Variants in CA10 observed in about 807,000 individuals in gnomAD.
CA10 encodes carbonic anhydrase 10 (inactive).
In CA10, 14 loss-of-function variants were observed where a neutral mutation model predicts 44.2. The observed-to-expected ratio is 0.32, with a 90% CI of 0.21 to 0.50. The LOEUF is 0.50. CA10 is among the 20% of genes least tolerant of loss of function. The pLI is 0.99. For missense variants in CA10, 350 were observed against 409.7 expected, an observed-to-expected ratio of 0.85 and a Z score of 1.26; for synonymous variants, 159 against 141.6, an observed-to-expected ratio of 1.12 and a Z score of -0.87.
intron 3 of CA10, among the ~76,000 whole-genome samples, chr17:51,877,261 A>T (rs1373007221): frequency 6.6e-6 from 1 of 152,336 alleles, no homozygotes; most frequent in Non-Finnish European, 1.5e-5. Flanking sequence ...CCTCAAATGG[A>T]CATGAGGTAT....
At chr17:51,777,900 C>G (rs1023478670) in intron 3 of CA10, among the ~76,000 whole-genome samples, 5 of 152,174 alleles carry the variant, frequency 3.3e-5, no homozygotes, top group African/African-American at 1.2e-4. Flanking sequence ...CCACTGCACT[C>G]TAGCCTGGGC....
intron 2 of CA10, among the ~76,000 whole-genome samples, chr17:51,979,164 T>A (rs999415296): frequency 3.3e-5 from 5 of 152,136 alleles, no homozygotes; most frequent in South Asian, 4.1e-4. Context: ...CATACTGGAG[T>A]GAACCTTAAA....
chr17:51,693,006 T>C (rs1215534812), intron 4 of CA10, among the ~76,000 whole-genome samples: 1 of 152,208 alleles, frequency 6.6e-6, no homozygotes. Flanking sequence ...GCCAGTTTCA[T>C]TTGGTTTTGA....
At chr17:52,144,303 T>G (rs1989539333) in intron 1 of CA10, among the ~76,000 whole-genome samples, 1 of 152,210 alleles carries the variant, frequency 6.6e-6, no homozygotes, top group Non-Finnish European at 1.5e-5. Context: ...CACTTCTTTA[T>G]TGCTCTGGCA....
intron 1 of CA10, among the ~76,000 whole-genome samples, chr17:52,088,306 A>G (rs767048876): frequency 8.5e-5 from 13 of 152,236 alleles, no homozygotes; most frequent in Non-Finnish European, 1.5e-4. Context: ...TATTTAGGAT[A>G]ATTAGTTCAG....
chr17:52,136,900 GTTGCT>G (rs891387809), intron 1 of CA10, among the ~76,000 whole-genome samples: 1 of 152,078 alleles, frequency 6.6e-6, no homozygotes, highest in African/African-American at 2.4e-5. Flanking sequence ...GCAACATGGA[GTTGCT>G]TTGGAAAATA....
At chr17:52,004,537 A>G (rs1475353514) in intron 2 of CA10, among the ~76,000 whole-genome samples, 2 of 151,980 alleles carry the variant, frequency 1.3e-5, no homozygotes, top group African/African-American at 4.8e-5. Flanking sequence ...TTCACAGTAG[A>G]GATTTTTAGT....
chr17:51,994,383 C>A (rs529328497), intron 2 of CA10, among the ~76,000 whole-genome samples: 1 of 152,022 alleles, frequency 6.6e-6, no homozygotes, highest in Admixed American at 6.6e-5. Context: ...CAAATTTGCA[C>A]GTGACCTTAG....
intron 3 of CA10, among the ~76,000 whole-genome samples, chr17:51,783,846 G>C (rs1431259349): frequency 6.6e-6 from 1 of 152,186 alleles, no homozygotes. Context: ...CTGGCCCAGA[G>C]AGAGCAGGTG....
At chr17:52,080,703 C>G (rs1369783200) in intron 1 of CA10, among the ~76,000 whole-genome samples, 1 of 152,004 alleles carries the variant, frequency 6.6e-6, no homozygotes, top group African/African-American at 2.4e-5. Flanking sequence ...ATTACTCTCT[C>G]CACACCTTCA....
chr17:51,948,725 AATT>A (rs976821442), intron 2 of CA10, among the ~76,000 whole-genome samples: 1 of 152,092 alleles, frequency 6.6e-6, no homozygotes, highest in African/African-American at 2.4e-5. Context: ...CCAATTAAAC[AATT>A]ATTTTATATG....
chr17:51,749,125 G>A (rs1428252583), intron 3 of CA10, among the ~76,000 whole-genome samples: 1 of 152,198 alleles, frequency 6.6e-6, no homozygotes, highest in African/African-American at 2.4e-5. Context: ...GCGACTGCAT[G>A]GAGCTCATGT....
chr17:51,658,509 A>T (rs187182963), intron 4 of CA10, among the ~76,000 whole-genome samples: 1 of 152,296 alleles, frequency 6.6e-6, no homozygotes, highest in East Asian at 1.9e-4. Context: ...AATCCTGATG[A>T]CCAGGAGCCA....
intron 4 of CA10, among the ~76,000 whole-genome samples, chr17:51,729,039 T>C (rs932411345): frequency 2.6e-5 from 4 of 152,076 alleles, no homozygotes; most frequent in African/African-American, 9.7e-5. Context: ...AGGAGCAAAC[T>C]TGGCATGATC....
intron 4 of CA10, among the ~76,000 whole-genome samples, chr17:51,694,660 C>G (rs188766920): frequency 2.6e-5 from 4 of 151,948 alleles, no homozygotes; most frequent in Non-Finnish European, 5.9e-5. Context: ...TAGTTTAATT[C>G]GGTCCCACTT....
At chr17:51,654,919 C>G (rs1044761458) in intron 4 of CA10, among the ~76,000 whole-genome samples, 1 of 152,018 alleles carries the variant, frequency 6.6e-6, no homozygotes, top group Non-Finnish European at 1.5e-5. Context: ...CCCCCACCAC[C>G]TCTTTCTAAT....
At chr17:51,839,539 T>G (rs1474073483) in intron 3 of CA10, among the ~76,000 whole-genome samples, 1 of 143,484 alleles carries the variant, frequency 7.0e-6, no homozygotes, top group Non-Finnish European at 1.5e-5. Flanking sequence ...AGGAACTACT[T>G]TGTAGAAGAG....
At chr17:51,742,483 T>C (rs1395079826) in intron 4 of CA10, among the ~76,000 whole-genome samples, 1 of 152,182 alleles carries the variant, frequency 6.6e-6, no homozygotes, top group African/African-American at 2.4e-5. Context: ...AATTTGATGT[T>C]AGTTGCTTAT....
intron 3 of CA10, among the ~76,000 whole-genome samples, chr17:51,923,237 A>C (rs1287435484): frequency 6.6e-6 from 1 of 152,192 alleles, no homozygotes; most frequent in Non-Finnish European, 1.5e-5. Context: ...TTTAGATGAC[A>C]AAATTGATCG....
Sources: allele counts gnomAD v4.1 joint callset (sites outside exome capture counted in the v4.1 genomes callset), GRCh38; gene constraint gnomAD v4.1.1; transcripts MANE v1.5; gene names NCBI Gene and HGNC (gene_info 2026-07-23, HGNC 2026-07-21).